The following JAG2 variants were observed in gnomAD, a reference collection of about 807,000 sequenced individuals.
The protein encoded by JAG2 is jagged canonical Notch ligand 2, also known as protein jagged-2.
In JAG2, 46 loss-of-function variants were observed where a neutral mutation model predicts 141.7. That is an observed-to-expected ratio of 0.32 (90% confidence interval 0.26 to 0.42). The LOEUF (loss-of-function observed/expected upper bound fraction) is 0.42, where lower values mean the gene tolerates loss of function less well. Among genes scored for constraint, JAG2 ranks in the 10% least tolerant of loss-of-function variants. The pLI, the probability that JAG2 is intolerant of heterozygous loss-of-function variation, is 1.00. For missense variants in JAG2, 1,500 were observed against 1,817.5 expected, an observed-to-expected ratio of 0.83 and a Z score of 3.18; for synonymous variants, 862 against 763.5, an observed-to-expected ratio of 1.13 and a Z score of -2.13.
At chr14:105,151,895 G>C in intron 7 of JAG2, 43 bp downstream of exon 7, 1 of 1,612,108 alleles carries the variant, frequency 6.2e-7, no homozygotes, top group Non-Finnish European at 8.5e-7. Flanking sequence ...CAGGGAACCA[G>C]TCCCTGCCTG....
intron 3 of JAG2, 97 bp downstream of exon 3, chr14:105,157,608 TA>T: frequency 8.6e-7 from 1 of 1,169,270 alleles, no homozygotes; most frequent in Non-Finnish European, 1.2e-6. Flanking sequence ...ATCCTCAGGG[TA>T]AAGCAAGGCT....
rs375734605 is a variant in JAG2 at position 105,155,957 on chromosome 14, C to T, written c.508G>A (p.Gly170Ser). ...ELLIERVSHA[G>S]MINPEDRWKS... ...CAGCGGTCCTCCGGGTTGATCATGC[C>T]GGCATGCGACACTCGCTCGATCAGC... Residue 170 changes from glycine (G) to serine (S), a missense_variant, in exon 4 of 26, where the codon GGC becomes AGC. Physicochemically the swap from Gly to Ser is moderately conservative, Grantham distance 56. Transcript: ENST00000331782. The T allele has an allele frequency of 1.1e-5, 17 of 1,608,600 alleles. No homozygotes were observed. The East Asian group carries it at 1.3e-4, about 13-fold the overall frequency.
chr14:105,148,325 C>T lies in JAG2; in HGVS notation c.2134+1G>A. 1 of 1,610,426 alleles carries T rather than the reference C, an allele frequency of 6.2e-7. No individual in the cohort carries two copies. The highest frequency in any genetic ancestry group is 1.1e-5 in the South Asian group (1 of 90,856). ...GGCGGCCAGGGCCTGCGGACACTCA[C>T]GTGAGTGGCAGGTCTTGCCCTTCCA... On this transcript the variant is annotated splice_donor_variant, in intron 16 of 25. Transcript: ENST00000331782. LOFTEE classifies it high-confidence loss of function.
At chr14:105,158,930 G>A (rs587640229) in intron 2 of JAG2, among the ~76,000 whole-genome samples, 4 of 152,170 alleles carry the variant, frequency 2.6e-5, no homozygotes, top group African/African-American at 9.6e-5. Flanking sequence ...TCCCCAGCAA[G>A]GCCCAACCCC....
At chr14:105,159,572 C>T (rs1407955663) in intron 2 of JAG2, among the ~76,000 whole-genome samples, 23 of 134,186 alleles carry the variant, frequency 1.7e-4, no homozygotes, top group African/African-American at 5.9e-4. Flanking sequence ...CACCCCCCGC[C>T]GAGCTCTGTT....
chr14:105,149,129 G>GGGCCCCCCC, intron 13 of JAG2, 40 bp from the exon 14 acceptor site: 1 of 1,551,920 alleles, frequency 6.4e-7, no homozygotes, highest in Non-Finnish European at 8.7e-7. Flanking sequence ...GCCCGCCCCT[G>GGGCCCCCCC]CCCCACCACC....
rs1888943194 is a variant in JAG2 at position 105,167,260 on chromosome 14, G to A, written c.417+497C>T. Among the ~76,000 whole-genome samples, 1 of 152,184 alleles carries A rather than the reference G, an allele frequency of 6.6e-6. No individual in the cohort carries two copies. The highest frequency in any genetic ancestry group is 1.5e-5 in the Non-Finnish European group (1 of 68,026). On this transcript the variant is annotated intron_variant, in intron 2 of 25. Coordinates refer to ENST00000331782, the MANE Select transcript of JAG2 (RefSeq NM_002226.5). This position sits in a 1 kb window ranked among gnomAD's most constrained non-coding sequence, Gnocchi z 4.8. ...GGGCTTCTGCCGACATAAGCGTTAG[G>A]CGTTAGGCTCTCCCGGGCCTAGGTC...
chr14:105,159,986 A>C (rs587765342), intron 2 of JAG2, among the ~76,000 whole-genome samples: 10 of 1,002 alleles, frequency 1.0e-2, no homozygotes, highest in Admixed American at 0.015. Context: ...CTCCGTCCAC[A>C]CCCCCCCCAG....
At chr14:105,155,018 C>A (rs2140984130) in intron 5 of JAG2, among the ~76,000 whole-genome samples, 1 of 138,308 alleles carries the variant, frequency 7.2e-6, no homozygotes, top group Middle Eastern at 3.6e-3. Context: ...CCCCCACATG[C>A]CCCACAGCGG....
At chr14:105,149,414 G>A in intron 12 of JAG2, 94 bp from the exon 13 acceptor site, 3 of 1,537,020 alleles carry the variant, frequency 2.0e-6, no homozygotes, top group South Asian at 2.3e-5. Context: ...GATCCCTGGG[G>A]ACCCCCAGGC....
intron 4 of JAG2, 43 bp downstream of exon 4, chr14:105,155,695 C>T (rs951535681): frequency 2.5e-6 from 4 of 1,612,322 alleles, no homozygotes; most frequent in Middle Eastern, 1.6e-4. Flanking sequence ...GGGCCCTGCC[C>T]GAGGCCCTCC....
At chr14:105,151,524 C>T (rs1203969972) in intron 8 of JAG2, 102 bp downstream of exon 8, 9 of 1,330,218 alleles carry the variant, frequency 6.8e-6, no homozygotes, top group South Asian at 3.7e-5. Context: ...CGCAGCCACA[C>T]GTGTGGACTT....
rs746857840 is a variant in JAG2, at chr14:105,151,752, G to A, written c.1040-13C>T. On this transcript the variant is annotated splice_polypyrimidine_tract_variant and intron_variant, in intron 7 of 25. Transcript: ENST00000331782. ...CAGGCGTGCTCAGCTGTAGAACCGC[G>A]GGGAGGGGGCAGAGCTGGCAGCCAG... The A allele has an allele frequency of 4.4e-5, 71 of 1,605,336 alleles. No homozygotes were observed. In the Admixed American group the frequency reaches 6.8e-4, roughly 15 times the overall value.
In JAG2 at chr14:105,167,693, C is replaced by T. The variant is rs1461682083; in HGVS notation, c.417+64G>A. 3.0e-6 allele frequency: 4 copies of T among 1,329,842 alleles called. No homozygotes were observed. In the East Asian group the frequency reaches 1.0e-4, roughly 33 times the overall value. The allele number at this position is 1,329,842 out of a possible 1,614,324, so 82.4% of individuals were successfully genotyped here. Reference sequence around the variant, plus strand: ...GCCGCAGGTGTTGGGGGTCGCGAAGCGCGCGGGGCCGGGGCGCGGAGAGAG... The same window carrying T: ...GCCGCAGGTGTTGGGGGTCGCGAAGTGCGCGGGGCCGGGGCGCGGAGAGAG... On this transcript the variant is annotated intron_variant, in intron 2 of 25. Coordinates refer to ENST00000331782, the MANE Select transcript of JAG2 (RefSeq NM_002226.5). The surrounding 1 kb of genome is among the most constrained non-coding windows in gnomAD (Gnocchi z 4.8).
intron 2 of JAG2, among the ~76,000 whole-genome samples, chr14:105,161,749 C>T (rs996712821): frequency 3.9e-5 from 6 of 152,170 alleles, no homozygotes; most frequent in African/African-American, 1.4e-4. Context: ...ACCTCTCACC[C>T]CCGTCCTTCC....
rs1239738814 is a variant in JAG2 at position 105,151,383 on chromosome 14, A to G, written c.1167T>C (p.Cys389=). 6.2e-7 allele frequency: 1 copy of G among 1,611,208 alleles called. No homozygotes were observed. ...CACCGGCCGCACACGGGTTCGAAGC[A>G]CACTCATCGATGTCTGCAGAGGGTG... ...GPTCALDIDE[C]ASNPCAAGGT... is the part of the protein sequence containing the mutation. The change falls in exon 9 of 26, where the codon TGT becomes TGC. Residue 389 remains cysteine (C), a synonymous_variant. Transcript: ENST00000331782.
chr14:105,161,422 T>C (rs1888744139), intron 2 of JAG2, among the ~76,000 whole-genome samples: 3 of 152,100 alleles, frequency 2.0e-5, no homozygotes. Context: ...CACCTGGGCT[T>C]CAGGGCCAGC....
At chr14:105,166,758 C>T (rs1035206238) in intron 2 of JAG2, among the ~76,000 whole-genome samples, 1 of 152,218 alleles carries the variant, frequency 6.6e-6, no homozygotes, top group Non-Finnish European at 1.5e-5. Flanking sequence ...ACCAGGTGGG[C>T]ACACTCCGGT....
At chr14:105,149,373 C>T in intron 12 of JAG2, 53 bp from the exon 13 acceptor site, 7 of 1,608,966 alleles carry the variant, frequency 4.4e-6, no homozygotes, top group Non-Finnish European at 5.9e-6. Context: ...AGGCCGGGAA[C>T]ACAGGCCAGG....
Sources: allele counts gnomAD v4.1 joint callset (sites outside exome capture counted in the v4.1 genomes callset), GRCh38; gene constraint gnomAD v4.1.1; non-coding constraint Gnocchi (gnomAD v3.1); transcripts MANE v1.5; gene names NCBI Gene and HGNC (gene_info 2026-07-23, HGNC 2026-07-21).